SKIC8: variants seen among roughly 807,000 people sequenced by gnomAD.
SKIC8 encodes SKI8 subunit of superkiller complex.
the SKIC8 span, chr15:78,292,638 T>C: frequency 2.3e-5 from 37 of 1,614,226 alleles, no homozygotes; most frequent in Non-Finnish European, 3.0e-5. Flanking sequence ...CTATGGACTT[T>C]ATCTGTTTGC....
At chr15:78,286,266 A>G in the SKIC8 span, 501 of 681,474 alleles carry the variant, frequency 7.4e-4, 1 homozygote, top group African/African-American at 7.8e-3. Flanking sequence ...CATGAATACT[A>G]TATCAAAAAT....
At chr15:78,283,459 T>C in the SKIC8 span, 2 of 1,613,896 alleles carry the variant, frequency 1.2e-6, no homozygotes, top group Non-Finnish European at 1.7e-6. Flanking sequence ...AGATGTGAAT[T>C]TCCTGGTCAT....
the SKIC8 span, chr15:78,288,198 C>T: frequency 1.5e-6 from 2 of 1,374,636 alleles, no homozygotes; most frequent in Middle Eastern, 4.2e-4. Context: ...GAGCACAGGT[C>T]TTTACTAGGG....
the SKIC8 span, chr15:78,283,432 T>C: frequency 1.2e-6 from 2 of 1,612,766 alleles, no homozygotes; most frequent in Non-Finnish European, 1.7e-6. Flanking sequence ...ACTTTGATGT[T>C]TAAATTGGAC....
At chr15:78,294,218 T>C in the SKIC8 span, among the ~76,000 whole-genome samples, 3 of 152,144 alleles carry the variant, frequency 2.0e-5, no homozygotes, top group Non-Finnish European at 4.4e-5. Flanking sequence ...CTAACCTGAA[T>C]GATGCTTTTG....
the SKIC8 span, chr15:78,285,005 G>A: frequency 1.4e-5 from 6 of 442,850 alleles, no homozygotes; most frequent in African/African-American, 5.9e-5. Flanking sequence ...TAAAGGCTGT[G>A]GGGCTAACAC....
At chr15:78,297,933 T>G in the SKIC8 span, among the ~76,000 whole-genome samples, 1 of 152,230 alleles carries the variant, frequency 6.6e-6, no homozygotes, top group African/African-American at 2.4e-5. Context: ...GTTTTGGTTT[T>G]GTAAAGACAA....
the SKIC8 span, among the ~76,000 whole-genome samples, chr15:78,298,022 G>A: frequency 3.3e-5 from 5 of 152,306 alleles, no homozygotes; most frequent in East Asian, 7.7e-4. Flanking sequence ...CAAAGTGCTG[G>A]GATTACAGAC....
At chr15:78,283,998 G>C in the SKIC8 span, 38 of 153,092 alleles carry the variant, frequency 2.5e-4, no homozygotes, top group Non-Finnish European at 4.4e-4. Flanking sequence ...GTGGCCTATG[G>C]AGCCTGCCTG....
At chr15:78,293,089 G>T in the SKIC8 span, 4 of 1,273,674 alleles carry the variant, frequency 3.1e-6, no homozygotes, top group Non-Finnish European at 4.5e-6. Flanking sequence ...GTATTTCCCG[G>T]ACTGCAACTG....
At chr15:78,287,827 C>A in the SKIC8 span, among the ~76,000 whole-genome samples, 1 of 152,130 alleles carries the variant, frequency 6.6e-6, no homozygotes, top group African/African-American at 2.4e-5. Context: ...AAACCAAAAA[C>A]GCTCCCATCT....
the SKIC8 span, chr15:78,285,727 A>G: frequency 2.4e-6 from 1 of 417,472 alleles, no homozygotes; most frequent in Non-Finnish European, 4.3e-6. Flanking sequence ...ACTGGGATCT[A>G]TAAACAACAT....
the SKIC8 span, among the ~76,000 whole-genome samples, chr15:78,287,879 C>T: frequency 1.3e-5 from 2 of 152,166 alleles, no homozygotes; most frequent in African/African-American, 4.8e-5. Flanking sequence ...TGCTCCCTAA[C>T]TAGGGCAGAG....
At chr15:78,297,690 A>G in the SKIC8 span, among the ~76,000 whole-genome samples, 3 of 152,216 alleles carry the variant, frequency 2.0e-5, no homozygotes, top group Non-Finnish European at 2.9e-5. Context: ...TTTCAGTTGG[A>G]GGTTAGGAAA....
the SKIC8 span, among the ~76,000 whole-genome samples, chr15:78,296,342 G>T: frequency 6.6e-6 from 1 of 152,044 alleles, no homozygotes; most frequent in African/African-American, 2.4e-5. Context: ...GGCAGCGGAG[G>T]TTGCAGTGAG....
the SKIC8 span, chr15:78,294,740 C>CG: frequency 8.5e-6 from 4 of 471,574 alleles, no homozygotes. Flanking sequence ...ATGATGACTG[C>CG]TTTTTTTTTT....
At chr15:78,292,966 ATTTTTT>A in the SKIC8 span, 1 of 786,844 alleles carries the variant, frequency 1.3e-6, no homozygotes, top group Middle Eastern at 4.1e-4. Context: ...GGACTTTAAG[ATTTTTT>A]TTTTTTAACT....
chr15:78,290,298 G>A, the SKIC8 span, among the ~76,000 whole-genome samples: 1 of 152,112 alleles, frequency 6.6e-6, no homozygotes, highest in African/African-American at 2.4e-5. Flanking sequence ...AATTAAAATA[G>A]GACAATATCA....
the SKIC8 span, chr15:78,293,105 T>C: frequency 6.8e-7 from 1 of 1,471,606 alleles, no homozygotes; most frequent in Admixed American, 1.7e-5. Flanking sequence ...AACTGGAGAG[T>C]TCAGAAGCAA....
Sources: allele counts gnomAD v4.1 joint callset (sites outside exome capture counted in the v4.1 genomes callset), GRCh38; gene constraint gnomAD v4.1.1; transcripts MANE v1.5; gene names NCBI Gene and HGNC (gene_info 2026-07-23, HGNC 2026-07-21).